Variants in CASQ2 observed in about 807,000 individuals in gnomAD.
The protein encoded by CASQ2 is calsequestrin 2.
In CASQ2, 49 loss-of-function variants were observed where a neutral mutation model predicts 46.5. The ratio of observed to expected loss-of-function variants is 1.05; its 90% confidence interval spans 0.84 to 1.34. The LOEUF is 1.34. Ranked by LOEUF, CASQ2 falls within the 40% of genes most tolerant of loss-of-function variation. CASQ2 has a pLI of 0.00. For missense variants in CASQ2, 486 were observed against 481.3 expected, an observed-to-expected ratio of 1.01 and a Z score of -0.09; for synonymous variants, 174 against 168.5, an observed-to-expected ratio of 1.03 and a Z score of -0.25.
chr1:115,741,481 T>C (rs1002758157), intron 2 of CASQ2, among the ~76,000 whole-genome samples: 2 of 152,226 alleles, frequency 1.3e-5, no homozygotes, highest in African/African-American at 4.8e-5. Context: ...TTATTGATCT[T>C]TGTTCAGCTC....
chr1:115,767,270 C>T (rs1044976423), intron 1 of CASQ2, among the ~76,000 whole-genome samples: 4 of 152,122 alleles, frequency 2.6e-5, no homozygotes, highest in Admixed American at 6.5e-5. Context: ...ACAGAGAGAA[C>T]TGAAATTCCA....
chr1:115,743,802 A>C (rs1570838869), intron 2 of CASQ2, among the ~76,000 whole-genome samples: 1 of 151,938 alleles, frequency 6.6e-6, no homozygotes, highest in Non-Finnish European at 1.5e-5. Flanking sequence ...GGTCATGCAG[A>C]AAAAGCCAAA....
chr1:115,713,111 A>G (rs1303137076), intron 8 of CASQ2, among the ~76,000 whole-genome samples: 1 of 152,018 alleles, frequency 6.6e-6, no homozygotes, highest in Non-Finnish European at 1.5e-5. Context: ...TAGCGCTAAT[A>G]TTCCCAGTGC....
At chr1:115,731,353 C>A (rs528583274) in intron 5 of CASQ2, among the ~76,000 whole-genome samples, 3 of 152,286 alleles carry the variant, frequency 2.0e-5, no homozygotes, top group Admixed American at 1.3e-4. Context: ...ATTGGCCTGC[C>A]TCTCTATTCC....
At chr1:115,720,500 A>T (rs186367296) in intron 7 of CASQ2, among the ~76,000 whole-genome samples, 1 of 152,138 alleles carries the variant, frequency 6.6e-6, no homozygotes, top group South Asian at 2.1e-4. Flanking sequence ...CAGAACCTGT[A>T]CTCTTTCTTT....
intron 1 of CASQ2, among the ~76,000 whole-genome samples, chr1:115,763,728 G>C (rs960058134): frequency 6.6e-6 from 1 of 152,204 alleles, no homozygotes; most frequent in African/African-American, 2.4e-5. Context: ...TGATCTGGAA[G>C]CCCGTGTTAG....
intron 8 of CASQ2, among the ~76,000 whole-genome samples, chr1:115,712,853 CA>C (rs1349796492): frequency 0.036 from 4,267 of 117,794 alleles, 88 homozygotes; most frequent in African/African-American, 0.05. Flanking sequence ...GAGACTGCCT[CA>C]AAAAAAAAAA....
At position 115,711,939 on chromosome 1, in the gene CASQ2, TTTTGTTTG is replaced by T. The variant is rs538327684; in HGVS notation, c.838+5893_838+5900del. On this transcript the variant is annotated intron_variant, in intron 8 of 10. Transcript: ENST00000261448. ...AGTGCTGGGATTACAGGCGTAAGGG[TTTTGTTTG>T]TTTGTTTGTTTGTTTTCAGCAGGCA... Among the ~76,000 whole-genome samples the T allele has an allele frequency of 3.3e-5, 5 of 151,624 alleles. 1 individual carries two copies. The highest frequency in any genetic ancestry group is 1.2e-4 in the African/African-American group (5 of 41,272).
intron 1 of CASQ2, among the ~76,000 whole-genome samples, chr1:115,754,304 G>A (rs1024954637): frequency 1.6e-4 from 25 of 152,240 alleles, no homozygotes; most frequent in African/African-American, 5.5e-4. Flanking sequence ...AAGAGCCTTC[G>A]GGGAGAGAGA....
intron 1 of CASQ2, among the ~76,000 whole-genome samples, chr1:115,749,264 A>G (rs10754350): frequency 0.27 from 41,457 of 151,920 alleles, 6,014 homozygotes; most frequent in East Asian, 0.43. Flanking sequence ...ACGCACTACC[A>G]TGTTTTATTT....
In CASQ2 at chr1:115,701,084, G is replaced by T. The variant is rs939792810; in HGVS notation, c.*157C>A. 3 of 1,110,562 alleles carry T rather than the reference G, an allele frequency of 2.7e-6. No homozygotes were observed. The highest frequency in any genetic ancestry group is 1.5e-5 in the African/African-American group (1 of 65,042). 68.8% of individuals were successfully genotyped at this position (1,110,562 alleles called of 1,614,324 possible). On this transcript the variant is annotated 3_prime_UTR_variant, in exon 11 of 11. Coordinates refer to ENST00000261448, the MANE Select transcript of CASQ2 (RefSeq NM_001232.4). ...GCATTTGAAAAGGCATTTGCTGAAT[G>T]ATGCTGCTCCTGACGCAAAGGGAGT...
At chr1:115,747,766 C>T (rs1237174526) in intron 1 of CASQ2, among the ~76,000 whole-genome samples, 1 of 152,024 alleles carries the variant, frequency 6.6e-6, no homozygotes, top group East Asian at 1.9e-4. Flanking sequence ...TTTTCATGTC[C>T]ATGTGTTTAT....
intron 5 of CASQ2, 152 bp from the exon 6 acceptor site, chr1:115,727,274 T>C: frequency 3.0e-6 from 2 of 663,836 alleles, no homozygotes; most frequent in South Asian, 3.3e-5. Flanking sequence ...CAGGAACTTA[T>C]CACCCAAGGC....
intron 8 of CASQ2, among the ~76,000 whole-genome samples, chr1:115,716,091 GA>G (rs1287791514): frequency 6.6e-6 from 1 of 152,180 alleles, no homozygotes; most frequent in East Asian, 1.9e-4. Context: ...CAAATACCAT[GA>G]AAGTCTACAT....
chr1:115,761,354 C>A (rs140352871), intron 1 of CASQ2, among the ~76,000 whole-genome samples: 4,761 of 123,504 alleles, frequency 0.039, 420 homozygotes, highest in African/African-American at 0.15. Flanking sequence ...CTGAGATTGC[C>A]CCACTGCACT....
chr1:115,760,329 A>G (rs989464217), intron 1 of CASQ2, among the ~76,000 whole-genome samples: 9 of 152,182 alleles, frequency 5.9e-5, no homozygotes, highest in African/African-American at 2.2e-4. Context: ...TTAAATGCTA[A>G]GTTTGATTCT....
At chr1:115,725,667 C>A in intron 6 of CASQ2, 114 bp from the exon 7 acceptor site, 1 of 1,342,526 alleles carries the variant, frequency 7.4e-7, no homozygotes, top group Non-Finnish European at 1.0e-6. Flanking sequence ...GCTTCCTTTG[C>A]AAGGCAGGGA....
chr1:115,759,935 T>C (rs1389980732), intron 1 of CASQ2, among the ~76,000 whole-genome samples: 1 of 152,230 alleles, frequency 6.6e-6, no homozygotes, highest in Non-Finnish European at 1.5e-5. Context: ...CCTTCTGAGT[T>C]GGTCTTTAAA....
intron 1 of CASQ2, among the ~76,000 whole-genome samples, chr1:115,762,302 T>A (rs1648991098): frequency 6.6e-6 from 1 of 152,236 alleles, no homozygotes; most frequent in Admixed American, 6.5e-5. Flanking sequence ...AATGATACAT[T>A]CATTTACTCA....
Sources: gnomAD v4.1 joint callset for allele counts (sites outside exome capture counted in the v4.1 genomes callset) on GRCh38, gnomAD v4.1.1 for gene constraint, MANE v1.5 for transcripts, NCBI Gene and HGNC (gene_info 2026-07-23, HGNC 2026-07-21) for gene names.